CRTAC1: variants seen among roughly 807,000 people sequenced by gnomAD.
CRTAC1 encodes cartilage acidic protein 1.
In CRTAC1, 37 loss-of-function variants were observed where a neutral mutation model predicts 67.8. The observed-to-expected ratio is 0.55, with a 90% CI of 0.42 to 0.72. CRTAC1 has a LOEUF of 0.72. Among genes scored for constraint, CRTAC1 ranks in the 30% least tolerant of loss-of-function variants. CRTAC1 has a pLI of 0.00. For missense variants in CRTAC1, 780 were observed against 931.6 expected (o/e 0.84, Z 2.12); for synonymous variants, 348 against 371.0 (o/e 0.94, Z 0.71).
chr10:97,925,031 C>T (rs538866813), intron 3 of CRTAC1, among the ~76,000 whole-genome samples: 17 of 152,094 alleles, frequency 1.1e-4, no homozygotes, highest in Admixed American at 8.5e-4. Flanking sequence ...CTGTGGGAGG[C>T]CAAGGCGGGC....
At chr10:97,959,099 A>G (rs2051484337) in intron 2 of CRTAC1, among the ~76,000 whole-genome samples, 1 of 152,166 alleles carries the variant, frequency 6.6e-6, no homozygotes, top group Non-Finnish European at 1.5e-5. Context: ...GGTTCAAGTA[A>G]CAGGTCTGTG....
chr10:97,971,848 T>C (rs2051717763), intron 2 of CRTAC1, among the ~76,000 whole-genome samples: 1 of 152,300 alleles, frequency 6.6e-6, no homozygotes, highest in South Asian at 2.1e-4. Flanking sequence ...TTTATCTGTT[T>C]TGAGAGCCCC....
chr10:97,972,563 A>G (rs560005020), intron 2 of CRTAC1, among the ~76,000 whole-genome samples: 7 of 152,236 alleles, frequency 4.6e-5, no homozygotes, highest in Admixed American at 2.0e-4. Flanking sequence ...ATCAGAATCT[A>G]CTACATTATC....
intron 2 of CRTAC1, among the ~76,000 whole-genome samples, chr10:97,968,248 T>G (rs1182062808): frequency 6.6e-6 from 1 of 152,138 alleles, no homozygotes; most frequent in Admixed American, 6.5e-5. Flanking sequence ...ATTCTTTTTG[T>G]TTTTGTTTTT....
At chr10:97,931,387 T>A (rs947462165) in intron 3 of CRTAC1, among the ~76,000 whole-genome samples, 7 of 152,238 alleles carry the variant, frequency 4.6e-5, no homozygotes, top group African/African-American at 1.7e-4. Flanking sequence ...TTGTACAAAC[T>A]TATTCATTTG....
At chr10:97,894,490 G>C (rs2050421944) in intron 11 of CRTAC1, among the ~76,000 whole-genome samples, 1 of 150,988 alleles carries the variant, frequency 6.6e-6, no homozygotes, top group Non-Finnish European at 1.5e-5. Context: ...TACCTCCCTG[G>C]GCTCAGGCGA....
At chr10:97,927,155 ACTAGGT>A (rs1327753447) in intron 3 of CRTAC1, among the ~76,000 whole-genome samples, 1 of 152,144 alleles carries the variant, frequency 6.6e-6, no homozygotes, top group Non-Finnish European at 1.5e-5. Context: ...TAGAGGAGAA[ACTAGGT>A]CTAGGGTGAC....
At chr10:98,002,734 G>A (rs537455919) in intron 2 of CRTAC1, among the ~76,000 whole-genome samples, 1 of 91,194 alleles carries the variant, frequency 1.1e-5, no homozygotes, top group South Asian at 4.4e-4. Flanking sequence ...AACAAAGTAT[G>A]CTTTTAGGAA....
intron 2 of CRTAC1, among the ~76,000 whole-genome samples, chr10:97,997,390 T>C (rs1455291634): frequency 7.0e-6 from 1 of 143,052 alleles, no homozygotes; most frequent in South Asian, 2.2e-4. Context: ...GAGGTGGAGG[T>C]TGCAGTGAGC....
At chr10:98,022,125 G>A (rs576159523) in intron 1 of CRTAC1, among the ~76,000 whole-genome samples, 2 of 152,228 alleles carry the variant, frequency 1.3e-5, no homozygotes, top group Non-Finnish European at 2.9e-5. Flanking sequence ...GGAGGCCGAG[G>A]CGGGCAGATC....
chr10:97,997,045 T>A (rs1455808048), intron 2 of CRTAC1, among the ~76,000 whole-genome samples: 1 of 118,648 alleles, frequency 8.4e-6, no homozygotes, highest in Non-Finnish European at 1.6e-5. Flanking sequence ...TGAGAACACA[T>A]GGACACAGGA....
intron 2 of CRTAC1, among the ~76,000 whole-genome samples, chr10:97,978,635 T>C (rs1313086196): frequency 6.6e-6 from 1 of 152,186 alleles, no homozygotes; most frequent in African/African-American, 2.4e-5. Context: ...GCAACATTCT[T>C]GACATAGGGA....
At chr10:97,888,405 A>T (rs1418288638) in intron 11 of CRTAC1, among the ~76,000 whole-genome samples, 2 of 152,178 alleles carry the variant, frequency 1.3e-5, no homozygotes, top group East Asian at 3.9e-4. Flanking sequence ...AGCAGCGTGA[A>T]AGGGTAAGTT....
intron 3 of CRTAC1, among the ~76,000 whole-genome samples, chr10:97,928,402 G>A (rs1319776451): frequency 6.6e-6 from 1 of 152,214 alleles, no homozygotes; most frequent in Non-Finnish European, 1.5e-5. Context: ...GACAGGTAAA[G>A]GAGATACCAA....
intron 2 of CRTAC1, among the ~76,000 whole-genome samples, chr10:97,939,814 GC>G (rs2051145876): frequency 1.3e-5 from 2 of 151,994 alleles, no homozygotes; most frequent in South Asian, 4.2e-4. Flanking sequence ...CTCCCACAAT[GC>G]CTGCCCCGAC....
At chr10:98,026,788 T>C (rs985750194) in intron 1 of CRTAC1, among the ~76,000 whole-genome samples, 1 of 152,120 alleles carries the variant, frequency 6.6e-6, no homozygotes, top group Non-Finnish European at 1.5e-5. Context: ...TTGGCAGCAG[T>C]GGGTTTCTTA....
Position 98,030,437 on chromosome 10 carries a change from G to A in CRTAC1, c.24+12C>T. On this transcript the variant is annotated intron_variant, in intron 1 of 14. Transcript: ENST00000370597. The surrounding 1 kb of genome is among the most constrained non-coding windows in gnomAD (Gnocchi z 4.2). Reference sequence around the variant, plus strand: ...CCGCCTTAGGGTGGGGGGCACCGGTGCAGATACTCACGCCGGGGTCAGCGC... The same window carrying A: ...CCGCCTTAGGGTGGGGGGCACCGGTACAGATACTCACGCCGGGGTCAGCGC... 1.6e-6 allele frequency: 2 copies of A among 1,249,696 alleles called. No homozygotes were observed. The highest frequency in any genetic ancestry group is 1.0e-6 in the Non-Finnish European group (1 of 988,572). 77.4% of individuals were successfully genotyped at this position (1,249,696 alleles called of 1,614,324 possible).
chr10:98,011,808 G>C (rs1484217747), intron 1 of CRTAC1, among the ~76,000 whole-genome samples: 1 of 152,156 alleles, frequency 6.6e-6, no homozygotes, highest in African/African-American at 2.4e-5. Context: ...GAGGGAGATG[G>C]GGAGGGAAAG....
In CRTAC1 at chr10:98,017,448, G is replaced by A. The variant is rs139163365; in HGVS notation, c.25-6111C>T. Among the ~76,000 whole-genome samples, 216 of 152,304 alleles carry A rather than the reference G, an allele frequency of 1.4e-3. 1 individual carries two copies. The highest frequency in any genetic ancestry group is 5.0e-3 in the African/African-American group (208 of 41,564). ...GGCTTCTCCTGCAGGGGAGATGTGC[G>A]GAGGGGGAAAAGAAGGGACTTCATA... On this transcript the variant is annotated intron_variant, in intron 1 of 14. Transcript: ENST00000370597.
Sources: gnomAD v4.1 joint callset for allele counts (sites outside exome capture counted in the v4.1 genomes callset) on GRCh38, gnomAD v4.1.1 for gene constraint, Gnocchi (gnomAD v3.1) non-coding constraint, MANE v1.5 for transcripts, NCBI Gene and HGNC (gene_info 2026-07-23, HGNC 2026-07-21) for gene names.